The following LRRC40 variants were observed in gnomAD, a reference collection of about 807,000 sequenced individuals.
The protein encoded by LRRC40 is leucine-rich repeat-containing protein 40.
In LRRC40, 76 loss-of-function variants were observed where a neutral mutation model predicts 72.8. The observed-to-expected ratio is 1.04, with a 90% CI of 0.87 to 1.26. The LOEUF (loss-of-function observed/expected upper bound fraction) is 1.26. Ranked by LOEUF, LRRC40 falls within the 50% of genes most tolerant of loss-of-function variation. LRRC40 has a pLI of 0.00. For missense variants in LRRC40, 684 were observed against 698.9 expected, an observed-to-expected ratio of 0.98 and a Z score of 0.24; for synonymous variants, 243 against 254.2, an observed-to-expected ratio of 0.96 and a Z score of 0.42.
In LRRC40 at chr1:70,175,939, T is replaced by C; in HGVS notation, c.848A>G (p.Glu283Gly). 1.3e-6 allele frequency: 2 copies of C among 1,593,984 alleles called. No homozygotes were observed. The highest frequency in any genetic ancestry group is 2.3e-5 in the South Asian group (2 of 86,282). ...AATTGAATTCAGATGTTTAAGATGTTCTGCCTCTAACATTTCAATCTGGTT... is the reference window on the plus strand; with the variant it reads ...AATTGAATTCAGATGTTTAAGATGTCCTGCCTCTAACATTTCAATCTGGTT... ...GENQIEMLEA[E>G]HLKHLNSILV... is the part of the protein sequence containing the mutation. The change falls in exon 7 of 15, where the codon GAA (glutamate) becomes GGA (glycine). Residue 283 changes from glutamate (E) to glycine (G), a missense_variant. Physicochemically the swap from Glu to Gly is moderately conservative, Grantham distance 98 (BLOSUM62 -2). Coordinates refer to ENST00000370952, the MANE Select transcript of LRRC40 (RefSeq NM_017768.5).
intron 11 of LRRC40, among the ~76,000 whole-genome samples, chr1:70,154,404 T>C (rs1184217415): frequency 6.6e-6 from 1 of 152,326 alleles, no homozygotes; most frequent in Middle Eastern, 3.4e-3. Context: ...TAATGTCTCT[T>C]AAGTATATCT....
At chr1:70,183,626 A>G (rs983074189) in intron 4 of LRRC40, among the ~76,000 whole-genome samples, 3 of 151,744 alleles carry the variant, frequency 2.0e-5, no homozygotes, top group Non-Finnish European at 4.4e-5. Context: ...ATCATGGCTC[A>G]CTAAAGCCTC....
chr1:70,157,562 A>G (rs1377783416), intron 10 of LRRC40, among the ~76,000 whole-genome samples: 3 of 152,202 alleles, frequency 2.0e-5, no homozygotes, highest in Non-Finnish European at 4.4e-5. Flanking sequence ...ATTAAAAGCA[A>G]CAGCATATGT....
intron 5 of LRRC40, among the ~76,000 whole-genome samples, chr1:70,179,699 G>A (rs918023746): frequency 5.3e-5 from 8 of 151,980 alleles, no homozygotes; most frequent in Non-Finnish European, 1.2e-4. Flanking sequence ...TATCTCTCAA[G>A]ATATTTCCAC....
At chr1:70,166,120 T>C (rs1667875339) in intron 9 of LRRC40, among the ~76,000 whole-genome samples, 1 of 152,208 alleles carries the variant, frequency 6.6e-6, no homozygotes, top group Middle Eastern at 3.2e-3. Context: ...TGCCAATATA[T>C]GCTTTGAATA....
At chr1:70,180,111 T>A (rs972047575) in intron 5 of LRRC40, 1 of 152,162 alleles carries the variant, frequency 6.6e-6, no homozygotes, top group African/African-American at 2.4e-5. Context: ...ACAGTTTTTT[T>A]ATTAATTTAT....
In LRRC40 at chr1:70,145,146, T is replaced by C. The variant is rs779944569; in HGVS notation, c.*654A>G. The stretch of plus-strand genomic sequence containing the variant: ...AATTATGGTGCTGTAAATAAAAAGG[T>C]TTTAAGTTGAAATGTGTACTGAGAT... On this transcript the variant is annotated 3_prime_UTR_variant, in exon 15 of 15. Coordinates refer to ENST00000370952, the MANE Select transcript of LRRC40 (RefSeq NM_017768.5). 9 of 152,132 alleles carry C rather than the reference T, an allele frequency of 5.9e-5. No individual in the cohort carries two copies. The highest frequency in any genetic ancestry group is 1.3e-4 in the Non-Finnish European group (9 of 68,010). 9.4% of individuals were successfully genotyped at this position (152,132 alleles called of 1,614,324 possible).
At position 70,175,795 on chromosome 1, in the gene LRRC40, G is replaced by T. The variant is rs368706688; in HGVS notation, c.977+15C>A. ...ATACAAACACAATTTCTATTCATTTGATATTTAAACTTACCTACTAATATC... is the reference window on the plus strand; with the variant it reads ...ATACAAACACAATTTCTATTCATTTTATATTTAAACTTACCTACTAATATC... On this transcript the variant is annotated intron_variant, in intron 7 of 14. Coordinates refer to ENST00000370952, the MANE Select transcript of LRRC40 (RefSeq NM_017768.5). 3.4e-6 allele frequency: 5 copies of T among 1,489,406 alleles called. No homozygotes were observed. Among genetic ancestry groups the T allele is most frequent in the South Asian group, 1.3e-5 (1 of 76,358 alleles). The allele number at this position is 1,489,406 out of a possible 1,614,324, so 92.3% of individuals were successfully genotyped here. A position where few individuals can be genotyped will look rare whatever the true frequency, so the allele number is the denominator to read the frequency against.
chr1:70,194,259 G>T (rs1668562016), intron 1 of LRRC40, among the ~76,000 whole-genome samples: 1 of 151,872 alleles, frequency 6.6e-6, no homozygotes, highest in Non-Finnish European at 1.5e-5. Context: ...CAAAATTCAA[G>T]CTCAATATAG....
In LRRC40 at chr1:70,148,551, A is replaced by G. The variant is rs778358200; in HGVS notation, c.1639T>C (p.Leu547=). The G allele has an allele frequency of 5.0e-6, 8 of 1,613,672 alleles. No individual in the cohort carries two copies. The highest frequency in any genetic ancestry group is 3.3e-5 in the Admixed American group (2 of 60,008). Residue 547 remains leucine (L), a synonymous_variant, in exon 14 of 15, where the codon TTG becomes CTG. Transcript: ENST00000370952. The part of the protein sequence containing the change: ...KMKMMENLTT[L]DLQNNDLLQI... ...AAGAGGTCATTATTTTGAAGGTCCA[A>G]CGTGGTCAGATTTTCCATCATCTTC...
intron 6 of LRRC40, among the ~76,000 whole-genome samples, chr1:70,176,937 C>G (rs1047084040): frequency 2.6e-5 from 4 of 152,132 alleles, no homozygotes; most frequent in African/African-American, 9.7e-5. Context: ...AACTTACATA[C>G]AACTTACAGA....
chr1:70,148,586 G>C lies in LRRC40; in HGVS notation c.1604C>G (p.Pro535Arg). ...ATTTTCCATCATCTTCATTTTCTGA[G>C]GGTCCACAGATCCAACCTGATTATT... Reference protein sequence around the residue: ...ISNNQVGSVDPQKMKMMENLT... With the variant: ...ISNNQVGSVDRQKMKMMENLT... Residue 535 changes from proline to arginine, a missense_variant, in exon 14 of 15, where the codon CCT (proline) becomes CGT (arginine). Pro to Arg is a moderately radical substitution (Grantham distance 103). Transcript: ENST00000370952. 6.2e-7 allele frequency: 1 copy of C among 1,613,198 alleles called. No individual in the cohort carries two copies. The highest frequency in any genetic ancestry group is 8.5e-7 in the Non-Finnish European group (1 of 1,179,330).
intron 7 of LRRC40, among the ~76,000 whole-genome samples, chr1:70,174,022 A>G (rs185918910): frequency 8.3e-4 from 126 of 152,188 alleles, no homozygotes; most frequent in Admixed American, 2.1e-3. Flanking sequence ...GATTCAAGAT[A>G]GACATCCTCA....
chr1:70,186,768 T>G (rs1003347783), intron 3 of LRRC40, among the ~76,000 whole-genome samples: 32 of 152,132 alleles, frequency 2.1e-4, no homozygotes, highest in Non-Finnish European at 4.1e-4. Context: ...CCACTGAACA[T>G]CCCATGTACC....
chr1:70,179,386 T>C (rs932193029), intron 5 of LRRC40, among the ~76,000 whole-genome samples: 5 of 151,692 alleles, frequency 3.3e-5, no homozygotes, highest in Admixed American at 2.0e-4. Context: ...ACTTGGGAGG[T>C]TGAGGCAGGA....
rs1176547400 is a variant in LRRC40 at position 70,148,615 on chromosome 1, A to T, written c.1575T>A (p.Ile525=). The change falls in exon 14 of 15, where the codon ATT becomes ATA. Residue 525 remains isoleucine, a synonymous_variant. Coordinates refer to ENST00000370952, the MANE Select transcript of LRRC40 (RefSeq NM_017768.5). ...CCACAGATCCAACCTGATTATTACT[A>T]ATCAGAATTGTTTCAAGTGTGAAGA... is the stretch of plus-strand genomic sequence containing the variant. The part of the protein sequence containing the change: ...YRIFTLETIL[I]SNNQVGSVDP... 6.2e-7 allele frequency: 1 copy of T among 1,612,814 alleles called. No homozygotes were observed. Among genetic ancestry groups the T allele is most frequent in the African/African-American group, 1.3e-5 (1 of 74,892 alleles).
At chr1:70,180,755 T>C (rs993607023) in intron 5 of LRRC40, among the ~76,000 whole-genome samples, 2 of 152,144 alleles carry the variant, frequency 1.3e-5, no homozygotes, top group African/African-American at 2.4e-5. Context: ...CTAAATATCA[T>C]AGGTAGATTC....
rs956849909 is a variant in LRRC40 at position 70,169,898 on chromosome 1, G to C, written c.1111+3567C>G. Reference sequence around the variant, plus strand: ...ATAAATTCACCCAAAAAACAAAATAGGAGGGAACATTTCCCAATTCATTTT... The same window carrying C: ...ATAAATTCACCCAAAAAACAAAATACGAGGGAACATTTCCCAATTCATTTT... On this transcript the variant is annotated intron_variant, in intron 9 of 14. Transcript: ENST00000370952. 3.9e-5 allele frequency among the ~76,000 whole-genome samples: 6 copies of C among 151,918 alleles called. No individual in the cohort carries two copies. In the East Asian group the frequency reaches 9.6e-4, roughly 24 times the overall value.
At chr1:70,164,140 C>T (rs1667826557) in intron 9 of LRRC40, among the ~76,000 whole-genome samples, 1 of 152,048 alleles carries the variant, frequency 6.6e-6, no homozygotes, top group Non-Finnish European at 1.5e-5. Context: ...CACGTAATCC[C>T]AGCACTTTGG....
Sources: gnomAD v4.1 joint callset for allele counts (sites outside exome capture counted in the v4.1 genomes callset) on GRCh38, gnomAD v4.1.1 for gene constraint, MANE v1.5 for transcripts, NCBI Gene and HGNC (gene_info 2026-07-23, HGNC 2026-07-21) for gene names.